The following CROCC variants were observed in gnomAD, a reference collection of about 807,000 sequenced individuals.
CROCC encodes rootletin.
In CROCC, 180 loss-of-function variants were observed where a neutral mutation model predicts 245.2. That is an observed-to-expected ratio of 0.73 (90% CI 0.65 to 0.83). The LOEUF (loss-of-function observed/expected upper bound fraction) is 0.83. Ranked by LOEUF, CROCC falls within the 40% of genes least tolerant of loss-of-function variation. The pLI is 0.00. For synonymous variants in CROCC, 1,205 were observed against 1,241.6 expected (o/e 0.97, Z 0.62); for missense variants, 2,688 against 2,779.4 (o/e 0.97, Z 0.74).
Position 16,960,770 on chromosome 1 carries a change from C to A in CROCC, c.4045C>A (p.Gln1349Lys). The A allele has an allele frequency of 6.5e-7, 1 of 1,533,138 alleles. No homozygotes were observed. The highest frequency in any genetic ancestry group is 8.7e-7 in the Non-Finnish European group (1 of 1,146,986). The allele number at this position is 1,533,138 out of a possible 1,614,324, so 95.0% of individuals were successfully genotyped here. A position where few individuals can be genotyped will look rare whatever the true frequency, so the allele number is the denominator to read the frequency against. Residue 1349 changes from glutamine (Q) to lysine (K), a missense_variant, in exon 27 of 37, where the codon CAG (glutamine) becomes AAG (lysine). By Grantham distance (53) the Gln-to-Lys change is moderately conservative (BLOSUM62 1). This residue lies in a region of CROCC where 1,218 missense variants were observed against 1,286.3 expected (regional missense o/e 0.95). Coordinates refer to ENST00000375541, the MANE Select transcript of CROCC (RefSeq NM_014675.5). The part of the protein sequence containing the change: ...EVMRQELQVA[Q>K]RKLQEQEGEF... ...GGCATCACTCCAGCTCCAGGTAGCCCAGCGGAAGCTGCAGGAACAAGAAGG... is the reference window on the plus strand; with the variant it reads ...GGCATCACTCCAGCTCCAGGTAGCCAAGCGGAAGCTGCAGGAACAAGAAGG...
chr1:16,922,891 CTG>C (rs2075441548), intron 2 of CROCC, 93 bp downstream of exon 2: 2 of 1,498,450 alleles, frequency 1.3e-6, no homozygotes, highest in Admixed American at 2.1e-5. Flanking sequence ...ATGATCATGA[CTG>C]TAACTCACTG....
At position 16,939,947 on chromosome 1, in the gene CROCC, G is replaced by A. The variant is rs777008883; in HGVS notation, c.1662G>A (p.Lys554=). 4 of 1,612,738 alleles carry A rather than the reference G, an allele frequency of 2.5e-6. No homozygotes were observed. Among genetic ancestry groups the A allele is most frequent in the Admixed American group, 1.7e-5 (1 of 60,006 alleles). The part of the protein sequence containing the change: ...ASQDLLGTLR[K]QLSDSESERR... ...AGGACCTACTGGGCACCCTGCGGAA[G>A]CAGCTTAGCGACAGCGAGAGCGAGC... Residue 554 remains lysine (K), a synonymous_variant, in exon 13 of 37, where the codon AAG becomes AAA. Transcript: ENST00000375541.
chr1:16,955,991 C>T lies in CROCC; in HGVS notation c.3705-6C>T. 1 of 1,549,994 alleles carries T rather than the reference C, an allele frequency of 6.5e-7. No individual in the cohort carries two copies. Among genetic ancestry groups the T allele is most frequent in the Non-Finnish European group, 8.7e-7 (1 of 1,146,968 alleles). ...CAGGGCAGCCCCTGACCTCTGCCCTCTCCAGCCTGAAGCTTGCCAATGAGG... is the reference window on the plus strand; with the variant it reads ...CAGGGCAGCCCCTGACCTCTGCCCTTTCCAGCCTGAAGCTTGCCAATGAGG... On this transcript the variant is annotated splice_polypyrimidine_tract_variant and splice_region_variant and intron_variant, in intron 24 of 36. Coordinates refer to ENST00000375541, the MANE Select transcript of CROCC (RefSeq NM_014675.5).
In CROCC at chr1:16,965,899, C is replaced by T. The variant is rs566195082; in HGVS notation, c.4575+7C>T. 3.7e-6 allele frequency: 6 copies of T among 1,611,744 alleles called. No homozygotes were observed. The highest frequency in any genetic ancestry group is 5.1e-6 in the Non-Finnish European group (6 of 1,178,626). On this transcript the variant is annotated splice_region_variant and intron_variant, in intron 28 of 36. Transcript: ENST00000375541. ...GAGTGCCCAGAGAGAACGGGTAAGC[C>T]TGGGTGTGCATGGCTGGATGGGGAA...
At chr1:16,939,226 G>GCAGGTCCGGGGC in intron 12 of CROCC, 84 bp downstream of exon 12, 1 of 1,065,286 alleles carries the variant, frequency 9.4e-7, no homozygotes, top group Non-Finnish European at 1.3e-6. Flanking sequence ...GGGGGCGGGG[G>GCAGGTCCGGGGC]CAGGTCCGGG....
chr1:16,969,155 A>T lies in CROCC; in HGVS notation c.5116A>T (p.Thr1706Ser). The change falls in exon 32 of 37, where the codon ACC becomes TCC. Residue 1706 changes from threonine to serine, a missense_variant. This residue lies in a region of CROCC where 1,218 missense variants were observed against 1,286.3 expected (regional missense o/e 0.95). Coordinates refer to ENST00000375541, the MANE Select transcript of CROCC (RefSeq NM_014675.5). The stretch of plus-strand genomic sequence containing the variant: ...GGTGAAGGCAGGGACCCTGCAGCTG[A>T]CCGTGGAGCGGCTGAATGGGGCCCT... ...SEVKAGTLQL[T>S]VERLNGALAK... 1.2e-6 allele frequency: 2 copies of T among 1,609,646 alleles called. No individual in the cohort carries two copies. Among genetic ancestry groups the T allele is most frequent in the Non-Finnish European group, 1.7e-6 (2 of 1,178,348 alleles).
Position 16,961,129 on chromosome 1 carries a change from A to C in CROCC, c.4404A>C (p.Glu1468Asp). 3.0e-6 allele frequency: 4 copies of C among 1,332,290 alleles called. No individual in the cohort carries two copies. Among genetic ancestry groups the C allele is most frequent in the Non-Finnish European group, 3.8e-6 (4 of 1,045,996 alleles). The allele number at this position is 1,332,290 out of a possible 1,614,324, so 82.5% of individuals were successfully genotyped here. A position where few individuals can be genotyped will look rare whatever the true frequency, so the allele number is the denominator to read the frequency against. Reference protein sequence around the residue: ...PGSPARDAPAEGSGEGLNSPS... With the variant: ...PGSPARDAPADGSGEGLNSPS... ...CCCCTGCCCGGGACGCACCCGCAGA[A>C]GGTAAGGGCAGTGCCGCGCGCAGGG... The change falls in exon 27 of 37, where the codon GAA becomes GAC. Residue 1468 changes from glutamate (E) to aspartate (D), a missense_variant and splice_region_variant. Glu to Asp is a conservative substitution (Grantham distance 45, BLOSUM62 2). This residue lies in a region of CROCC where 1,218 missense variants were observed against 1,286.3 expected (regional missense o/e 0.95). Coordinates refer to ENST00000375541, the MANE Select transcript of CROCC (RefSeq NM_014675.5).
rs2076495673 is a variant in CROCC at position 16,970,374 on chromosome 1, A to G, written c.5573A>G (p.Glu1858Gly). 1 of 1,602,084 alleles carries G rather than the reference A, an allele frequency of 6.2e-7. No individual in the cohort carries two copies. Among genetic ancestry groups the G allele is most frequent in the Non-Finnish European group, 8.5e-7 (1 of 1,175,242 alleles). The stretch of plus-strand genomic sequence containing the variant: ...CTGCAGCGCGCCCTGGCTCAGCTGG[A>G]AGCTGAGAAGCGGGAGGTGGAGCGC... ...GSLQRALAQL[E>G]AEKREVERSA... The change falls in exon 34 of 37, where the codon GAA (glutamate) becomes GGA (glycine). Residue 1858 changes from glutamate to glycine, a missense_variant. Physicochemically the swap from Glu to Gly is moderately conservative, Grantham distance 98. Transcript: ENST00000375541.
chr1:16,923,627 C>T (rs1428967643), intron 2 of CROCC, among the ~76,000 whole-genome samples: 8 of 151,104 alleles, frequency 5.3e-5, no homozygotes, highest in African/African-American at 1.5e-4. Context: ...TTCTCTTGAG[C>T]GAGGCTTTGA....
At chr1:16,956,410 T>C (rs1022362089) in intron 25 of CROCC, among the ~76,000 whole-genome samples, 7 of 152,200 alleles carry the variant, frequency 4.6e-5, no homozygotes, top group African/African-American at 1.7e-4. Flanking sequence ...CTGGTGTCCT[T>C]GTCCAGTTCT....
intron 1 of CROCC, among the ~76,000 whole-genome samples, chr1:16,914,468 GC>G (rs1457679325): frequency 6.6e-6 from 1 of 152,268 alleles, no homozygotes; most frequent in African/African-American, 2.4e-5. Flanking sequence ...GACGGCCTCT[GC>G]CCCCCGCAGA....
intron 1 of CROCC, 114 bp downstream of exon 1, chr1:16,922,192 G>A (rs1265569607): frequency 8.7e-7 from 1 of 1,149,738 alleles, no homozygotes. Flanking sequence ...GTGTGGTGGT[G>A]GTGGGGTATA....
chr1:16,965,710 C>T lies in CROCC; in HGVS notation c.4406-13C>T, dbSNP rs761032900. On this transcript the variant is annotated splice_polypyrimidine_tract_variant and intron_variant, in intron 27 of 36. Coordinates refer to ENST00000375541, the MANE Select transcript of CROCC (RefSeq NM_014675.5). ...GCTTCTGCATCACTGAGCAAGTCTTCTTTCTCTTCTAGGAAGCGGGGAAGG... is the reference window on the plus strand; with the variant it reads ...GCTTCTGCATCACTGAGCAAGTCTTTTTTCTCTTCTAGGAAGCGGGGAAGG... 1.9e-5 allele frequency: 30 copies of T among 1,587,920 alleles called. No individual in the cohort carries two copies. Among genetic ancestry groups the T allele is most frequent in the Non-Finnish European group, 8.6e-6 (10 of 1,158,130 alleles).
intron 8 of CROCC, among the ~76,000 whole-genome samples, chr1:16,932,639 C>T (rs1198778641): frequency 2.6e-5 from 4 of 152,168 alleles, no homozygotes; most frequent in Non-Finnish European, 4.4e-5. Flanking sequence ...CAAGCAGGAG[C>T]AAGGCATGAG....
At chr1:16,932,638 G>A (rs1458793414) in intron 8 of CROCC, among the ~76,000 whole-genome samples, 4 of 152,210 alleles carry the variant, frequency 2.6e-5, no homozygotes, top group Non-Finnish European at 5.9e-5. Flanking sequence ...CCAAGCAGGA[G>A]CAAGGCATGA....
intron 20 of CROCC, among the ~76,000 whole-genome samples, chr1:16,952,636 G>A (rs924489366): frequency 2.6e-5 from 4 of 152,132 alleles, no homozygotes; most frequent in Non-Finnish European, 5.9e-5. Context: ...CCAGGGATCT[G>A]AACTCCTGTG....
chr1:16,972,492 A>AGAGAAATGAGCTCCTGCTGGCATCT lies in CROCC; in HGVS notation c.*47_*48insAGAAATGAGCTCCTGCTGGCATCTG. On this transcript the variant is annotated 3_prime_UTR_variant, in exon 37 of 37. Coordinates refer to ENST00000375541, the MANE Select transcript of CROCC (RefSeq NM_014675.5). ...AACACCCCTGTGCCTGGGACAGGGGAGGACCCTTCTTTTGGACAGCCCCCC... is the reference window on the plus strand; with the variant it reads ...AACACCCCTGTGCCTGGGACAGGGGAGAGAAATGAGCTCCTGCTGGCATCTGGACCCTTCTTTTGGACAGCCCCCC... 1 of 1,323,768 alleles carries AGAGAAATGAGCTCCTGCTGGCATCT rather than the reference A, an allele frequency of 7.6e-7. No individual in the cohort carries two copies. Among genetic ancestry groups the AGAGAAATGAGCTCCTGCTGGCATCT allele is most frequent in the Non-Finnish European group, 1.0e-6 (1 of 954,296 alleles). The allele number at this position is 1,323,768 out of a possible 1,614,324, so 82.0% of individuals were successfully genotyped here.
In CROCC at chr1:16,953,147, C is replaced by T. The variant is rs2076190791; in HGVS notation, c.3007-155C>T. 7.1e-6 allele frequency: 5 copies of T among 701,276 alleles called. No individual in the cohort carries two copies. The Admixed American group carries it at 1.4e-4, about 20-fold the overall frequency. 43.4% of individuals were successfully genotyped at this position (701,276 alleles called of 1,614,324 possible). A position where few individuals can be genotyped will look rare whatever the true frequency, so the allele number is the denominator to read the frequency against. On this transcript the variant is annotated intron_variant, in intron 20 of 36. Coordinates refer to ENST00000375541, the MANE Select transcript of CROCC (RefSeq NM_014675.5). The stretch of plus-strand genomic sequence containing the variant: ...TGGCACTTTCACGGCCCTGGCGTGT[C>T]CCCGTCATAGCCCTTATCACTCCCT...
In CROCC at chr1:16,946,977, G is replaced by A. The variant is rs1388539754; in HGVS notation, c.2500G>A (p.Glu834Lys). Residue 834 changes from glutamate to lysine, a missense_variant, in exon 17 of 37, where the codon GAG (glutamate) becomes AAG (lysine). Around this residue, in one of 9 missense-constraint regions of CROCC, gnomAD observed 295 missense variants for 241.7 expected, o/e 1.22. Coordinates refer to ENST00000375541, the MANE Select transcript of CROCC (RefSeq NM_014675.5). Reference sequence around the variant, plus strand: ...GCGCCATGAGCGCAGCCAGCTGCAGGAGCAGCTAGCGCAGGTGGGCAAAGC... The same window carrying A: ...GCGCCATGAGCGCAGCCAGCTGCAGAAGCAGCTAGCGCAGGTGGGCAAAGC... ...TLRHERSQLQ[E>K]QLAQLSRQLS... The A allele has an allele frequency of 1.9e-6, 3 of 1,553,040 alleles. No individual in the cohort carries two copies. Among genetic ancestry groups the A allele is most frequent in the East Asian group, 2.4e-5 (1 of 41,394 alleles).
Sources: allele counts gnomAD v4.1 joint callset (sites outside exome capture counted in the v4.1 genomes callset), GRCh38; gene constraint gnomAD v4.1.1; regional missense constraint gnomAD v4.1.1; transcripts MANE v1.5; gene names NCBI Gene and HGNC (gene_info 2026-07-23, HGNC 2026-07-21).